The following P2RY12 variants were observed in gnomAD, a reference collection of about 807,000 sequenced individuals.
P2RY12 encodes P2Y purinoceptor 12.
Under a neutral mutation model 4.5 loss-of-function variants are expected in P2RY12, and 3 were observed. That is an observed-to-expected ratio of 0.67 (90% CI 0.31 to 1.74). The LOEUF (loss-of-function observed/expected upper bound fraction) is 1.74. P2RY12 is among the 40% of genes most tolerant of loss of function. The pLI is 0.09. For synonymous variants in P2RY12, 148 were observed against 154.1 expected (o/e 0.96, Z 0.29); for missense variants, 356 against 407.8 (o/e 0.87, Z 1.09).
At chr3:151,343,691 G>A (rs1479829759) in intron 1 of P2RY12, among the ~76,000 whole-genome samples, 1 of 152,132 alleles carries the variant, frequency 6.6e-6, no homozygotes, top group African/African-American at 2.4e-5. Flanking sequence ...GGTTGGTTTG[G>A]TTATTTTGTA....
intron 1 of P2RY12, among the ~76,000 whole-genome samples, chr3:151,364,552 G>T (rs1755048776): frequency 6.6e-6 from 1 of 152,168 alleles, no homozygotes; most frequent in Non-Finnish European, 1.5e-5. Context: ...CTATACCAGA[G>T]AAATAGTTTT....
At chr3:151,355,834 T>C (rs1219467123) in intron 1 of P2RY12, 6 of 1,429,628 alleles carry the variant, frequency 4.2e-6, no homozygotes, top group African/African-American at 1.4e-5. Context: ...AAAAATGATT[T>C]ATCTTAGTAA....
chr3:151,364,073 A>C lies in P2RY12; in HGVS notation c.-180+20619T>G, dbSNP rs150020775. 8.4e-3 allele frequency among the ~76,000 whole-genome samples: 1,278 copies of C among 152,308 alleles called. 10 individuals are homozygous for C. Among genetic ancestry groups the C allele is most frequent in the Non-Finnish European group, 0.014 (984 of 68,018 alleles). On this transcript the variant is annotated intron_variant, in intron 1 of 2. Coordinates refer to ENST00000302632, the MANE Select transcript of P2RY12 (RefSeq NM_022788.5). ...CTGCCAAAAACTTAATCTATAAAAC[A>C]GACTTTCTGATGCATAAAAGAGCTT...
At position 151,377,169 on chromosome 3, in the gene P2RY12, C is replaced by A. The variant is rs1426163519; in HGVS notation, c.-180+7523G>T. The stretch of plus-strand genomic sequence containing the variant: ...AGCACGAGACAGAATGGAATAAAGA[C>A]ATTCCTAAGGTATTTTTGTCTGTTG... On this transcript the variant is annotated intron_variant, in intron 1 of 2. Transcript: ENST00000302632. The A allele has an allele frequency of 1.9e-6, 3 of 1,608,400 alleles. No individual in the cohort carries two copies. The African/African-American group carries it at 4.0e-5, about 22-fold the overall frequency.
chr3:151,375,755 A>G (rs1324231524), intron 1 of P2RY12, among the ~76,000 whole-genome samples: 1 of 152,142 alleles, frequency 6.6e-6, no homozygotes, highest in East Asian at 1.9e-4. Context: ...CTTACTTTCC[A>G]GTTAAAAACA....
Position 151,370,797 on chromosome 3 carries a change from G to A in P2RY12, c.-180+13895C>T, listed in dbSNP as rs1223778966. On this transcript the variant is annotated intron_variant, in intron 1 of 2. Transcript: ENST00000302632. ...AGTTTTCAATAAAATTATGTTGGAA[G>A]TGTGAATCTATAAATGACAAATATG... Among the ~76,000 whole-genome samples the A allele has an allele frequency of 2.0e-5, 3 of 152,224 alleles. No homozygotes were observed. The South Asian group carries it at 6.2e-4, about 32-fold the overall frequency.
At chr3:151,358,123 C>T (rs1754158575) in intron 1 of P2RY12, among the ~76,000 whole-genome samples, 1 of 152,018 alleles carries the variant, frequency 6.6e-6, no homozygotes, top group Non-Finnish European at 1.5e-5. Flanking sequence ...TTTTTTTAAT[C>T]TAGCACATGT....
chr3:151,350,142 G>A, intron 1 of P2RY12: 1 of 1,613,804 alleles, frequency 6.2e-7, no homozygotes, highest in Non-Finnish European at 8.5e-7. Context: ...CAAGGCATCA[G>A]CTGAAGAAGA....
chr3:151,349,997 G>A lies in P2RY12; in HGVS notation c.-179-9237C>T. ...GGTGCTGTGGTCAGTGCATTTCAGG[G>A]ATATGAAATGCAACCCCACCCCTGC... On this transcript the variant is annotated intron_variant, in intron 1 of 2. Coordinates refer to ENST00000302632, the MANE Select transcript of P2RY12 (RefSeq NM_022788.5). 5.9e-6 allele frequency: 9 copies of A among 1,520,126 alleles called. No individual in the cohort carries two copies. The South Asian group carries it at 9.5e-5, about 16-fold the overall frequency. 94.2% of individuals were successfully genotyped at this position (1,520,126 alleles called of 1,614,324 possible). A position where few individuals can be genotyped will look rare whatever the true frequency, so the allele number is the denominator to read the frequency against.
At chr3:151,360,571 A>G in intron 1 of P2RY12, 2 of 1,612,748 alleles carry the variant, frequency 1.2e-6, no homozygotes, top group Non-Finnish European at 1.7e-6. Context: ...TGTGTCATGT[A>G]GCCACCTCAG....
chr3:151,364,343 C>G (rs1231097579), intron 1 of P2RY12, among the ~76,000 whole-genome samples: 2 of 152,146 alleles, frequency 1.3e-5, no homozygotes, highest in Non-Finnish European at 2.9e-5. Flanking sequence ...TTAAAAATCT[C>G]TTAATGCCTC....
chr3:151,382,856 C>CCACT (rs1712635644), intron 1 of P2RY12: 2 of 741,154 alleles, frequency 2.7e-6, no homozygotes, highest in Non-Finnish European at 4.4e-6. Context: ...GTGAGGCCTT[C>CCACT]CACTCTTTGC....
At chr3:151,383,880 C>T (rs751312848) in intron 1 of P2RY12, 1 of 1,611,862 alleles carries the variant, frequency 6.2e-7, no homozygotes, top group Admixed American at 1.7e-5. Context: ...TTGACATGCA[C>T]ACTAACAAGT....
At chr3:151,339,457 T>G (rs1345580370) in intron 2 of P2RY12, among the ~76,000 whole-genome samples, 1 of 151,962 alleles carries the variant, frequency 6.6e-6, no homozygotes, top group Non-Finnish European at 1.5e-5. Context: ...TGACCTTTTT[T>G]CTTTATATTT....
intron 1 of P2RY12, among the ~76,000 whole-genome samples, chr3:151,381,251 C>A (rs1712286091): frequency 6.6e-6 from 1 of 152,156 alleles, no homozygotes; most frequent in Admixed American, 6.5e-5. Flanking sequence ...TGGACATGGA[C>A]AAGGACACTT....
intron 1 of P2RY12, chr3:151,377,222 C>T (rs1756958480): frequency 6.6e-7 from 1 of 1,519,032 alleles, no homozygotes; most frequent in South Asian, 1.2e-5. Flanking sequence ...GAATTTTTCA[C>T]AAGTAACGGT....
At chr3:151,344,487 TC>T (rs1249959388) in intron 1 of P2RY12, among the ~76,000 whole-genome samples, 2 of 152,182 alleles carry the variant, frequency 1.3e-5, no homozygotes, top group South Asian at 2.1e-4. Flanking sequence ...TTTTAAGGCA[TC>T]TTTTAAGAGT....
intron 1 of P2RY12, chr3:151,369,543 A>T: frequency 6.3e-7 from 1 of 1,598,362 alleles, no homozygotes; most frequent in Non-Finnish European, 8.6e-7. Flanking sequence ...AGCAATTATG[A>T]TGCTTGGTAA....
chr3:151,337,796 A>G lies in P2RY12; in HGVS notation c.*21T>C, dbSNP rs1376134000. On this transcript the variant is annotated 3_prime_UTR_variant, in exon 3 of 3. Coordinates refer to ENST00000302632, the MANE Select transcript of P2RY12 (RefSeq NM_022788.5). The stretch of plus-strand genomic sequence containing the variant: ...GAGTTCTGAACACAAAGAGATTGAA[A>G]TATTTCCTTAGTTAATTTGTTTACA... 43 of 1,611,016 alleles carry G rather than the reference A, an allele frequency of 2.7e-5. No individual in the cohort carries two copies. Among genetic ancestry groups the G allele is most frequent in the Non-Finnish European group, 3.7e-5 (43 of 1,177,652 alleles).
Sources: gnomAD v4.1 joint callset for allele counts (sites outside exome capture counted in the v4.1 genomes callset) on GRCh38, gnomAD v4.1.1 for gene constraint, MANE v1.5 for transcripts, NCBI Gene and HGNC (gene_info 2026-07-23, HGNC 2026-07-21) for gene names.